SLC9A8: variants seen among roughly 807,000 people sequenced by gnomAD.
SLC9A8 encodes solute carrier family 9 member A8.
A neutral mutation model predicts 66.6 loss-of-function variants in SLC9A8; 48 were observed. The ratio of observed to expected loss-of-function variants is 0.72; its 90% CI spans 0.57 to 0.92. The LOEUF (loss-of-function observed/expected upper bound fraction) is 0.92, where lower values mean the gene tolerates loss of function less well. Ranked by LOEUF, SLC9A8 falls within the 40% of genes least tolerant of loss-of-function variation. The pLI, the probability that SLC9A8 is intolerant of heterozygous loss-of-function variation, is 0.00. For missense variants in SLC9A8, 599 were observed against 747.3 expected (o/e 0.80, Z 2.31); for synonymous variants, 274 against 282.6 (o/e 0.97, Z 0.31).
chr20:49,813,246 A>G (rs1439833693), intron 1 of SLC9A8, among the ~76,000 whole-genome samples: 3 of 152,110 alleles, frequency 2.0e-5, no homozygotes, highest in African/African-American at 7.2e-5. Flanking sequence ...CGGTAATCTC[A>G]TGGTTACTGA....
chr20:49,832,704 G>A (rs966588459), intron 3 of SLC9A8, among the ~76,000 whole-genome samples: 1 of 149,296 alleles, frequency 6.7e-6, no homozygotes, highest in African/African-American at 2.5e-5. Flanking sequence ...TTTTAGCACA[G>A]TTTATTTCAC....
intron 7 of SLC9A8, among the ~76,000 whole-genome samples, chr20:49,855,033 G>A (rs1435545488): frequency 6.6e-6 from 1 of 152,170 alleles, no homozygotes; most frequent in Non-Finnish European, 1.5e-5. Context: ...GGCTGGGGTC[G>A]GTCACGGACA....
At position 49,889,853 on chromosome 20, in the gene SLC9A8, G is replaced by T. The variant is rs753398821; in HGVS notation, c.*1917G>T. On this transcript the variant is annotated 3_prime_UTR_variant, in exon 16 of 16. Coordinates refer to ENST00000361573, the MANE Select transcript of SLC9A8 (RefSeq NM_015266.3). ...AAGTTTAGGGTCCCATCTCCCAGAT[G>T]TAAGTTGTTTTGCAAACTCAGTTTG... 2 of 152,250 alleles carry T rather than the reference G, an allele frequency of 1.3e-5. No individual in the cohort carries two copies. Among genetic ancestry groups the T allele is most frequent in the African/African-American group, 4.8e-5 (2 of 41,460 alleles). 9.4% of individuals were successfully genotyped at this position (152,250 alleles called of 1,614,324 possible).
At chr20:49,868,683 C>T (rs2089074449) in intron 10 of SLC9A8, among the ~76,000 whole-genome samples, 1 of 152,208 alleles carries the variant, frequency 6.6e-6, no homozygotes, top group Non-Finnish European at 1.5e-5. Flanking sequence ...CTCTTATTGG[C>T]TGTGTAACCT....
At chr20:49,881,146 A>G in intron 13 of SLC9A8, 111 bp downstream of exon 13, 3 of 735,180 alleles carry the variant, frequency 4.1e-6, no homozygotes, top group Non-Finnish European at 7.3e-6. Flanking sequence ...ACAAGTAATC[A>G]ATACTCCCGT....
chr20:49,828,195 C>A (rs535691972), intron 3 of SLC9A8, among the ~76,000 whole-genome samples: 2 of 151,066 alleles, frequency 1.3e-5, no homozygotes, highest in Non-Finnish European at 2.9e-5. Context: ...ATTCTCCTGC[C>A]TCAGCCTCCC....
intron 3 of SLC9A8, among the ~76,000 whole-genome samples, chr20:49,831,427 C>G (rs1280612488): frequency 6.9e-6 from 1 of 145,004 alleles, no homozygotes; most frequent in Admixed American, 6.8e-5. Context: ...CTCTCTCTCT[C>G]TCTCTGTCTC....
At chr20:49,874,940 C>G (rs2089365603) in intron 11 of SLC9A8, 119 bp downstream of exon 11, 1 of 729,008 alleles carries the variant, frequency 1.4e-6, no homozygotes, top group Admixed American at 2.0e-5. Flanking sequence ...CTCCTCAGAG[C>G]CAGATCCCTC....
At chr20:49,867,255 A>ATT (rs1004205855) in intron 10 of SLC9A8, among the ~76,000 whole-genome samples, 2 of 151,960 alleles carry the variant, frequency 1.3e-5, no homozygotes, top group African/African-American at 4.8e-5. Flanking sequence ...TTTAAAAACA[A>ATT]TTTTTTTTGT....
chr20:49,819,963 T>C (rs1284787317), intron 2 of SLC9A8, among the ~76,000 whole-genome samples: 1 of 152,230 alleles, frequency 6.6e-6, no homozygotes, highest in Admixed American at 6.5e-5. Flanking sequence ...GGATTGTTTC[T>C]ACCTTTTGGC....
At chr20:49,855,284 A>G (rs1197951590) in intron 7 of SLC9A8, among the ~76,000 whole-genome samples, 154 bp from the exon 8 acceptor site, 5 of 152,352 alleles carry the variant, frequency 3.3e-5, no homozygotes, top group African/African-American at 4.8e-5. Flanking sequence ...AAAACAGCAG[A>G]TAAGTGGGGA....
At chr20:49,868,691 C>G (rs1016442253) in intron 10 of SLC9A8, among the ~76,000 whole-genome samples, 4 of 152,142 alleles carry the variant, frequency 2.6e-5, no homozygotes, top group African/African-American at 9.7e-5. Flanking sequence ...GGCTGTGTAA[C>G]CTCAGATTAC....
intron 2 of SLC9A8, among the ~76,000 whole-genome samples, chr20:49,817,007 C>A (rs961728581): frequency 7.2e-5 from 11 of 151,790 alleles, no homozygotes; most frequent in African/African-American, 2.4e-4. Flanking sequence ...GGATTACAGG[C>A]GTGAGCCACC....
intron 3 of SLC9A8, among the ~76,000 whole-genome samples, chr20:49,825,396 T>G (rs2146479027): frequency 6.6e-6 from 1 of 152,290 alleles, no homozygotes; most frequent in Non-Finnish European, 1.5e-5. Flanking sequence ...ATTCTAGCAC[T>G]TTGGGAGGCT....
intron 2 of SLC9A8, among the ~76,000 whole-genome samples, 192 bp from the exon 3 acceptor site, chr20:49,822,868 TA>T (rs1053866090): frequency 2.6e-5 from 4 of 152,050 alleles, no homozygotes; most frequent in Non-Finnish European, 4.4e-5. Flanking sequence ...ATAGAGAAAA[TA>T]TAATAAACAT....
In SLC9A8 at chr20:49,867,550, C is replaced by G. The variant is rs147008977; in HGVS notation, c.958+2706C>G. 6.6e-5 allele frequency among the ~76,000 whole-genome samples: 10 copies of G among 152,284 alleles called. No individual in the cohort carries two copies. In the East Asian group the frequency reaches 1.5e-3, roughly 23 times the overall value. On this transcript the variant is annotated intron_variant, in intron 10 of 15. Transcript: ENST00000361573. ...GACATATTTACTGATCAGTATCAGT[C>G]AAAGACTCAAGGGGACTTTACAGTA...
intron 8 of SLC9A8, among the ~76,000 whole-genome samples, chr20:49,862,285 A>G (rs980848874): frequency 5.9e-5 from 9 of 151,938 alleles, no homozygotes; most frequent in Admixed American, 2.0e-4. Context: ...TTTTTGAGAC[A>G]GAGTCTTGCT....
chr20:49,844,619 TAAAAAAA>T (rs35043669), intron 4 of SLC9A8, among the ~76,000 whole-genome samples: 1 of 106,024 alleles, frequency 9.4e-6, no homozygotes, highest in African/African-American at 3.2e-5. Context: ...CCCTGTATCT[TAAAAAAA>T]AAAAAAAAAA....
intron 10 of SLC9A8, among the ~76,000 whole-genome samples, chr20:49,871,723 C>T (rs1032687817): frequency 6.6e-6 from 1 of 152,188 alleles, no homozygotes; most frequent in African/African-American, 2.4e-5. Context: ...CCTGACCCCA[C>T]ACTAGCCCAG....
Sources: allele counts gnomAD v4.1 joint callset (sites outside exome capture counted in the v4.1 genomes callset), GRCh38; gene constraint gnomAD v4.1.1; transcripts MANE v1.5; gene names NCBI Gene and HGNC (gene_info 2026-07-23, HGNC 2026-07-21).